USP43: variants seen among roughly 807,000 people sequenced by gnomAD.
USP43 encodes ubiquitin specific peptidase 43.
In USP43, 33 loss-of-function variants were observed where a neutral mutation model predicts 90.7. The ratio of observed to expected loss-of-function variants is 0.36; its 90% confidence interval spans 0.28 to 0.49. USP43 has a LOEUF of 0.49. Among genes scored for constraint, USP43 ranks in the 20% least tolerant of loss-of-function variants. The pLI is 0.98. For missense variants in USP43, 1,274 were observed against 1,476.4 expected, an observed-to-expected ratio of 0.86 and a Z score of 2.25; for synonymous variants, 598 against 615.8, an observed-to-expected ratio of 0.97 and a Z score of 0.43.
intron 9 of USP43, among the ~76,000 whole-genome samples, chr17:9,698,272 T>C (rs945532861): frequency 1.3e-5 from 2 of 152,260 alleles, no homozygotes; most frequent in African/African-American, 4.8e-5. Context: ...TCCCATCCTG[T>C]AGGCTGCCTC....
intron 1 of USP43, among the ~76,000 whole-genome samples, chr17:9,648,419 T>C (rs892013464): frequency 2.0e-5 from 3 of 152,254 alleles, no homozygotes; most frequent in Non-Finnish European, 4.4e-5. Flanking sequence ...ATTCTGGGGC[T>C]GCTCTCCAGG....
At chr17:9,663,852 T>G (rs1219451695) in intron 2 of USP43, among the ~76,000 whole-genome samples, 1 of 152,214 alleles carries the variant, frequency 6.6e-6, no homozygotes, top group Admixed American at 6.5e-5. Flanking sequence ...CTTGAACTTC[T>G]GACCTCAGGT....
chr17:9,680,448 A>T, intron 6 of USP43, 82 bp downstream of exon 6: 1 of 1,500,854 alleles, frequency 6.7e-7, no homozygotes, highest in Non-Finnish European at 9.1e-7. Flanking sequence ...GCAAAGGCAT[A>T]AAACATCCAA....
At chr17:9,717,855 G>A (rs1249108515) in intron 14 of USP43, among the ~76,000 whole-genome samples, 2 of 149,990 alleles carry the variant, frequency 1.3e-5, no homozygotes, top group Non-Finnish European at 1.5e-5. Context: ...GAAGTGCAAT[G>A]GGGCGATCTC....
chr17:9,716,206 A>G (rs1916561991), intron 14 of USP43, among the ~76,000 whole-genome samples: 1 of 151,972 alleles, frequency 6.6e-6, no homozygotes, highest in East Asian at 1.9e-4. Flanking sequence ...ATTTCTTGTT[A>G]GGTCCTAACT....
chr17:9,728,674 A>G lies in USP43; in HGVS notation c.3056A>G (p.Gln1019Arg), dbSNP rs755033517. The G allele has an allele frequency of 4.3e-6, 7 of 1,612,912 alleles. No homozygotes were observed. The African/African-American group carries it at 9.3e-5, about 22-fold the overall frequency. ...AATGAGAGGGCAGAGGTCTCTCCACAGGTGCCCCCCGTCTCCCTGGTGAGT... is the reference window on the plus strand; with the variant it reads ...AATGAGAGGGCAGAGGTCTCTCCACGGGTGCCCCCCGTCTCCCTGGTGAGT... ...RRNERAEVSP[Q>R]VPPVSLVSGG... Residue 1019 changes from glutamine to arginine, a missense_variant, in exon 15 of 15, where the codon CAG (glutamine) becomes CGG (arginine). By Grantham distance (43) the Gln-to-Arg change is conservative. Around this residue, in one of 6 missense-constraint regions of USP43, gnomAD observed 353 missense variants for 329.7 expected, o/e 1.07. Coordinates refer to ENST00000285199, the MANE Select transcript of USP43 (RefSeq NM_153210.5). The surrounding 1 kb of genome is among the most constrained non-coding windows in gnomAD (Gnocchi z 6.2).
chr17:9,676,152 G>C (rs547016615), intron 4 of USP43, among the ~76,000 whole-genome samples: 3 of 152,248 alleles, frequency 2.0e-5, no homozygotes, highest in Admixed American at 2.0e-4. Flanking sequence ...TCAAACTTTG[G>C]AGTTTGTTTT....
chr17:9,728,282 C>A lies in USP43; in HGVS notation c.2664C>A (p.Ala888=). 1 of 1,613,392 alleles carries A rather than the reference C, an allele frequency of 6.2e-7. No individual in the cohort carries two copies. Among genetic ancestry groups the A allele is most frequent in the Non-Finnish European group, 8.5e-7 (1 of 1,179,706 alleles). The change falls in exon 15 of 15, where the codon GCC becomes GCA. Residue 888 remains alanine (A), a synonymous_variant. Transcript: ENST00000285199. The surrounding 1 kb of genome is among the most constrained non-coding windows in gnomAD (Gnocchi z 6.2). ...DGGRAIERGP[A]GVPCPSAQPN... Reference sequence around the variant, plus strand: ...GGCGGGCCATTGAAAGAGGTCCAGCCGGGGTGCCCTGTCCCTCGGCTCAAC... The same window carrying A: ...GGCGGGCCATTGAAAGAGGTCCAGCAGGGGTGCCCTGTCCCTCGGCTCAAC...
At chr17:9,671,277 GGA>G (rs1334729416) in intron 3 of USP43, among the ~76,000 whole-genome samples, 1 of 144,744 alleles carries the variant, frequency 6.9e-6, no homozygotes, top group Non-Finnish European at 1.5e-5. Context: ...GCTGGAGGAG[GGA>G]GTGTGTGTGT....
chr17:9,719,854 G>T (rs1295337995), intron 14 of USP43, among the ~76,000 whole-genome samples: 2 of 152,168 alleles, frequency 1.3e-5, no homozygotes, highest in Non-Finnish European at 2.9e-5. Context: ...ATCACCTGAG[G>T]CTAGGAGCCC....
At chr17:9,683,479 T>C (rs1914421794) in intron 7 of USP43, among the ~76,000 whole-genome samples, 1 of 152,126 alleles carries the variant, frequency 6.6e-6, no homozygotes, top group African/African-American at 2.4e-5. Flanking sequence ...TCTTGAATAA[T>C]AAACTGGTAA....
At position 9,680,029 on chromosome 17, in the gene USP43, T is replaced by C. The variant is rs1464336582; in HGVS notation, c.970-202T>C. 4.7e-5 allele frequency among the ~76,000 whole-genome samples: 7 copies of C among 149,914 alleles called. No individual in the cohort carries two copies. The East Asian group carries it at 7.8e-4, about 17-fold the overall frequency. Reference sequence around the variant, plus strand: ...AAAACTTAGATTTTTTTTTTTTTTTTCAGTTTCTTTTTTTGTTGCACTTGA... The same window carrying C: ...AAAACTTAGATTTTTTTTTTTTTTTCCAGTTTCTTTTTTTGTTGCACTTGA... On this transcript the variant is annotated intron_variant, in intron 5 of 14. Transcript: ENST00000285199.
chr17:9,722,421 C>G (rs918677015), intron 14 of USP43, among the ~76,000 whole-genome samples: 3 of 152,134 alleles, frequency 2.0e-5, no homozygotes, highest in African/African-American at 4.8e-5. Flanking sequence ...ATAATTGGAG[C>G]CTTCAGTCCA....
At chr17:9,683,619 A>C (rs1914430973) in intron 7 of USP43, among the ~76,000 whole-genome samples, 1 of 152,174 alleles carries the variant, frequency 6.6e-6, no homozygotes, top group Non-Finnish European at 1.5e-5. Flanking sequence ...CATTTTTATC[A>C]TGTAATAAAT....
At chr17:9,700,368 A>G in intron 10 of USP43, 119 bp downstream of exon 10, 3 of 913,126 alleles carry the variant, frequency 3.3e-6, no homozygotes, top group Non-Finnish European at 4.9e-6. Flanking sequence ...TCTTTGAGCC[A>G]GTGTAACCCG....
rs530453193 is a variant in USP43, at chr17:9,659,594, A to G, written c.636+3060A>G. Reference sequence around the variant, plus strand: ...AAAGCCCTCTTATCCTGTTTTTTTTACTCTCTCCTCTCCCTGGCTGTACCA... The same window carrying G: ...AAAGCCCTCTTATCCTGTTTTTTTTGCTCTCTCCTCTCCCTGGCTGTACCA... On this transcript the variant is annotated intron_variant, in intron 2 of 14. Transcript: ENST00000285199. 4.0e-5 allele frequency among the ~76,000 whole-genome samples: 6 copies of G among 150,500 alleles called. No homozygotes were observed. The South Asian group carries it at 1.1e-3, about 27-fold the overall frequency.
chr17:9,656,247 TTG>T, intron 1 of USP43, 154 bp from the exon 2 acceptor site: 2 of 542,440 alleles, frequency 3.7e-6, no homozygotes, highest in Non-Finnish European at 4.7e-6. Flanking sequence ...AGGACGGGCT[TTG>T]GCGTGAAAGA....
At chr17:9,689,604 G>A (rs779545727) in intron 8 of USP43, among the ~76,000 whole-genome samples, 2 of 152,130 alleles carry the variant, frequency 1.3e-5, no homozygotes, top group Non-Finnish European at 2.9e-5. Context: ...TGCAGTGATA[G>A]GGTCTCACTG....
Position 9,681,462 on chromosome 17 carries a change from T to TATA in USP43, c.1105+1096_1105+1097insATA, listed in dbSNP as rs1555550104. 5.0e-3 allele frequency among the ~76,000 whole-genome samples: 93 copies of TATA among 18,582 alleles called. 2 individuals are homozygous for TATA. Among genetic ancestry groups the TATA allele is most frequent in the Non-Finnish European group, 6.4e-3 (74 of 11,598 alleles). 12.2% of individuals were successfully genotyped at this position (18,582 alleles called of 152,430 possible). On this transcript the variant is annotated intron_variant, in intron 6 of 14. Transcript: ENST00000285199. Reference sequence around the variant, plus strand: ...TATAGATAAATATATATAAAATATATTATATATATATATATATATATATAT... The same window carrying TATA: ...TATAGATAAATATATATAAAATATATATATATATATATATATATATATATATAT...
Sources: gnomAD v4.1 joint callset for allele counts (sites outside exome capture counted in the v4.1 genomes callset) on GRCh38, gnomAD v4.1.1 for gene constraint, gnomAD v4.1.1 regional missense constraint, Gnocchi (gnomAD v3.1) non-coding constraint, MANE v1.5 for transcripts, NCBI Gene and HGNC (gene_info 2026-07-23, HGNC 2026-07-21) for gene names.